The following STARD13 variants were observed in gnomAD, a reference collection of about 807,000 sequenced individuals.
STARD13 encodes the protein stAR-related lipid transfer protein 13.
Under a neutral mutation model 106.4 loss-of-function variants are expected in STARD13, and 62 were observed. The ratio of observed to expected loss-of-function variants is 0.58; its 90% confidence interval spans 0.48 to 0.72. STARD13 has a LOEUF of 0.72. STARD13 is among the 30% of genes least tolerant of loss of function. STARD13 has a pLI of 0.00. For synonymous variants in STARD13, 565 were observed against 553.0 expected, an observed-to-expected ratio of 1.02 and a Z score of -0.31; for missense variants, 1,387 against 1,424.0, an observed-to-expected ratio of 0.97 and a Z score of 0.42.
At chr13:33,434,280 G>T in the STARD13 span, among the ~76,000 whole-genome samples, 1 of 149,574 alleles carries the variant, frequency 6.7e-6, no homozygotes, top group Non-Finnish European at 1.5e-5. Flanking sequence ...TTGAACCCAG[G>T]GGGTGGAGGT....
At chr13:33,398,633 A>G in the STARD13 span, among the ~76,000 whole-genome samples, 1 of 152,230 alleles carries the variant, frequency 6.6e-6, no homozygotes, top group East Asian at 1.9e-4. Context: ...GGGGAAAAAA[A>G]AGAGATGTGA....
rs1391334548 is a variant in STARD13 at position 33,129,176 on chromosome 13, C to T, written c.1501G>A (p.Asp501Asn). The change falls in exon 5 of 14, where the codon GAT becomes AAT. Residue 501 changes from aspartate to asparagine, a missense_variant. By Grantham distance (23) the Asp-to-Asn change is conservative (BLOSUM62 1). Coordinates refer to ENST00000336934, the MANE Select transcript of STARD13 (RefSeq NM_178006.4). ...GGCAAGACATCTTTGGACCAGTCAT[C>T]GACTACCTCTTGGAGCCCATTGACA... ...QHVNGLQEVVDDWSKDVLPEL... is the reference protein window; with the variant it reads ...QHVNGLQEVVNDWSKDVLPEL... The T allele has an allele frequency of 9.3e-6, 15 of 1,614,084 alleles. No homozygotes were observed. Among genetic ancestry groups the T allele is most frequent in the African/African-American group, 1.3e-5 (1 of 74,934 alleles).
At chr13:33,613,740 C>T in the STARD13 span, among the ~76,000 whole-genome samples, 9 of 152,100 alleles carry the variant, frequency 5.9e-5, no homozygotes, top group South Asian at 4.2e-4. Flanking sequence ...TTTCAGTGGA[C>T]GTGGGAGCCA....
the STARD13 span, among the ~76,000 whole-genome samples, chr13:33,591,110 T>C: frequency 1.3e-5 from 2 of 152,250 alleles, no homozygotes; most frequent in African/African-American, 2.4e-5. Context: ...CTACATATTT[T>C]CACCTTACCC....
chr13:33,341,996 G>A (rs533961653), intron 1 of STARD13, among the ~76,000 whole-genome samples: 1 of 152,154 alleles, frequency 6.6e-6, no homozygotes, highest in South Asian at 2.1e-4. Context: ...TCACCATGTT[G>A]GCCAGGCTGG....
chr13:33,375,920 T>G, the STARD13 span, among the ~76,000 whole-genome samples: 1 of 152,158 alleles, frequency 6.6e-6, no homozygotes, highest in Non-Finnish European at 1.5e-5. Flanking sequence ...CTTTACATAC[T>G]TAATATTAAG....
At chr13:33,492,545 TACCAA>T in the STARD13 span, among the ~76,000 whole-genome samples, 92 of 152,264 alleles carry the variant, frequency 6.0e-4, no homozygotes, top group Non-Finnish European at 1.1e-3. Context: ...AAACAAAACC[TACCAA>T]AACCAAGATG....
chr13:33,567,858 C>T, the STARD13 span, among the ~76,000 whole-genome samples: 1 of 147,810 alleles, frequency 6.8e-6, no homozygotes, highest in Non-Finnish European at 1.5e-5. Context: ...CCATTTCATG[C>T]CAGAAGTTCC....
At chr13:33,286,221 C>G (rs1286460242), upstream of STARD13, among the ~76,000 whole-genome samples, 1 of 152,128 alleles carries the variant, frequency 6.6e-6, no homozygotes, top group Non-Finnish European at 1.5e-5. Context: ...TAAGCCACCA[C>G]CTTCATTATC....
chr13:33,141,136 G>A (rs1425635648), intron 4 of STARD13, among the ~76,000 whole-genome samples: 1 of 152,144 alleles, frequency 6.6e-6, no homozygotes, highest in Non-Finnish European at 1.5e-5. Flanking sequence ...CTACGTAGTA[G>A]AGATGTTAAA....
At chr13:33,491,516 A>C in the STARD13 span, among the ~76,000 whole-genome samples, 2 of 152,236 alleles carry the variant, frequency 1.3e-5, no homozygotes, top group Non-Finnish European at 2.9e-5. Context: ...TATATGGTAC[A>C]TTTCATCAGT....
the STARD13 span, among the ~76,000 whole-genome samples, chr13:33,388,717 G>C: frequency 1.3e-5 from 2 of 152,084 alleles, no homozygotes; most frequent in Admixed American, 1.3e-4. Context: ...TTACCTACTT[G>C]GTTCTCTGTC....
the STARD13 span, among the ~76,000 whole-genome samples, chr13:33,372,510 T>C: frequency 6.8e-6 from 1 of 147,380 alleles, no homozygotes. Flanking sequence ...TGACTTTCTC[T>C]TGTCTGACCT....
the STARD13 span, among the ~76,000 whole-genome samples, chr13:33,422,477 A>G: frequency 6.6e-6 from 1 of 152,224 alleles, no homozygotes; most frequent in Non-Finnish European, 1.5e-5. Flanking sequence ...TTCCATGCTC[A>G]TGGATAGGAA....
the STARD13 span, among the ~76,000 whole-genome samples, chr13:33,473,199 A>T: frequency 6.6e-6 from 1 of 152,190 alleles, no homozygotes; most frequent in East Asian, 1.9e-4. Flanking sequence ...CTTCAGAGAG[A>T]TGAATCTGGT....
At chr13:33,495,238 A>G in the STARD13 span, among the ~76,000 whole-genome samples, 1 of 152,232 alleles carries the variant, frequency 6.6e-6, no homozygotes, top group African/African-American at 2.4e-5. Context: ...TTAAAAAACT[A>G]TTCAGAACTC....
At chr13:33,477,531 C>T in the STARD13 span, among the ~76,000 whole-genome samples, 3 of 152,284 alleles carry the variant, frequency 2.0e-5, no homozygotes, top group South Asian at 6.2e-4. Flanking sequence ...ACTAAGTGAA[C>T]CCACTTATGG....
the STARD13 span, among the ~76,000 whole-genome samples, chr13:33,406,526 T>C: frequency 6.6e-6 from 1 of 152,190 alleles, no homozygotes; most frequent in African/African-American, 2.4e-5. Flanking sequence ...GTGTTTCTGT[T>C]TAAGGATGCC....
intron 1 of STARD13, among the ~76,000 whole-genome samples, chr13:33,222,250 G>A (rs1188331932): frequency 6.6e-6 from 1 of 152,162 alleles, no homozygotes; most frequent in Non-Finnish European, 1.5e-5. Flanking sequence ...ACTGCATGAG[G>A]TACCTAGAGA....
Sources: gnomAD v4.1 joint callset for allele counts (sites outside exome capture counted in the v4.1 genomes callset) on GRCh38, gnomAD v4.1.1 for gene constraint, MANE v1.5 for transcripts, NCBI Gene and HGNC (gene_info 2026-07-23, HGNC 2026-07-21) for gene names.